The following PHACTR3 variants were observed in gnomAD, a reference collection of about 807,000 sequenced individuals.
The protein encoded by PHACTR3 is protein phosphatase 1, regulatory subunit 123.
Under a neutral mutation model 66.8 loss-of-function variants are expected in PHACTR3, and 16 were observed. The observed-to-expected ratio is 0.24, with a 90% CI of 0.16 to 0.36. The LOEUF (loss-of-function observed/expected upper bound fraction) is 0.36. PHACTR3 is among the 10% of genes least tolerant of loss of function. PHACTR3 has a pLI of 1.00. For synonymous variants in PHACTR3, 323 were observed against 292.1 expected (o/e 1.11, Z -1.08); for missense variants, 647 against 719.9 (o/e 0.90, Z 1.16).
At chr20:59,622,492 TCA>T (rs2034278636) in intron 1 of PHACTR3, among the ~76,000 whole-genome samples, 1 of 152,186 alleles carries the variant, frequency 6.6e-6, no homozygotes, top group African/African-American at 2.4e-5. Context: ...TCTGTTCATG[TCA>T]GTTAGTAGAA....
At chr20:59,651,080 G>T (rs1417010015) in intron 1 of PHACTR3, among the ~76,000 whole-genome samples, 2 of 152,104 alleles carry the variant, frequency 1.3e-5, no homozygotes, top group East Asian at 3.9e-4. Context: ...TCATCTTTGG[G>T]TTGACCATGG....
intron 1 of PHACTR3, among the ~76,000 whole-genome samples, chr20:59,674,630 GCTTCTCCTGTTCCTCTCC>G (rs1336228072): frequency 2.4e-5 from 1 of 41,716 alleles, no homozygotes; most frequent in African/African-American, 1.3e-4. Context: ...TCCTGTCCCC[GCTTCTCCTGTTCCTCTCC>G]CTTCTCCTGT....
intron 7 of PHACTR3, among the ~76,000 whole-genome samples, chr20:59,778,051 G>A (rs1182497): frequency 0.59 from 90,222 of 151,960 alleles, 29,101 homozygotes; most frequent in Non-Finnish European, 0.71. Context: ...GCTGATGTCC[G>A]GATGACCCTG....
intron 1 of PHACTR3, among the ~76,000 whole-genome samples, chr20:59,620,962 A>G (rs1429385086): frequency 7.2e-5 from 11 of 152,136 alleles, no homozygotes; most frequent in Admixed American, 7.2e-4. Context: ...GCCTGCATGT[A>G]TGTTTATCCT....
At chr20:59,745,078 C>T (rs983145364) in intron 2 of PHACTR3, among the ~76,000 whole-genome samples, 23 of 152,180 alleles carry the variant, frequency 1.5e-4, no homozygotes, top group African/African-American at 4.1e-4. Flanking sequence ...ATGAGCAGGG[C>T]GGGCACTGCT....
At chr20:59,794,123 CAA>C (rs71183186) in intron 7 of PHACTR3, among the ~76,000 whole-genome samples, 2 of 97,852 alleles carry the variant, frequency 2.0e-5, no homozygotes, top group African/African-American at 4.4e-5. Context: ...GACTCCATCT[CAA>C]AAAAAAAAAA....
At chr20:59,635,169 C>CCTTTCTTTCTTTCTTTCTTT (rs11471795) in intron 1 of PHACTR3, among the ~76,000 whole-genome samples, 5 of 55,340 alleles carry the variant, frequency 9.0e-5, no homozygotes, top group African/African-American at 3.7e-4. Flanking sequence ...TTCTTTCTTT[C>CCTTTCTTTCTTTCTTTCTTT]CTTTCTTTCT....
intron 9 of PHACTR3, among the ~76,000 whole-genome samples, chr20:59,838,645 C>T (rs149736470): frequency 6.6e-6 from 1 of 152,304 alleles, no homozygotes; most frequent in Non-Finnish European, 1.5e-5. Context: ...AGAGTTCAAC[C>T]CCAGGTCTGC....
chr20:59,838,925 G>A (rs2059011549), intron 9 of PHACTR3, among the ~76,000 whole-genome samples: 1 of 151,976 alleles, frequency 6.6e-6, no homozygotes, highest in South Asian at 2.1e-4. Context: ...TCTTGGAGGA[G>A]GTCTCCAACA....
intron 1 of PHACTR3, among the ~76,000 whole-genome samples, chr20:59,741,311 G>A (rs750316205): frequency 2.6e-5 from 4 of 152,216 alleles, no homozygotes; most frequent in South Asian, 2.1e-4. Context: ...GTGTATGTTC[G>A]CAGGGCGAGG....
intron 1 of PHACTR3, among the ~76,000 whole-genome samples, chr20:59,588,325 C>T (rs1387521409): frequency 1.3e-5 from 2 of 152,136 alleles, no homozygotes; most frequent in Non-Finnish European, 2.9e-5. Context: ...ATCTGGGATC[C>T]GCCCCCTTGC....
intron 1 of PHACTR3, among the ~76,000 whole-genome samples, chr20:59,614,176 T>G (rs531180692): frequency 2.8e-4 from 43 of 152,328 alleles, no homozygotes; most frequent in African/African-American, 9.9e-4. Context: ...ATCCTGCAAC[T>G]TACTGGAAAG....
At chr20:59,689,442 T>A (rs935720332) in intron 1 of PHACTR3, among the ~76,000 whole-genome samples, 1 of 152,182 alleles carries the variant, frequency 6.6e-6, no homozygotes, top group Non-Finnish European at 1.5e-5. Context: ...TTCACACTTG[T>A]GTGGGGATCT....
At chr20:59,630,897 G>A (rs574568004) in intron 1 of PHACTR3, among the ~76,000 whole-genome samples, 5 of 152,230 alleles carry the variant, frequency 3.3e-5, no homozygotes, top group Admixed American at 2.0e-4. Flanking sequence ...GATTCGAGGA[G>A]GAAAGTTACA....
chr20:59,842,268 T>C (rs182555612), intron 11 of PHACTR3, among the ~76,000 whole-genome samples: 18 of 152,344 alleles, frequency 1.2e-4, no homozygotes, highest in Admixed American at 3.9e-4. Context: ...TTCTATTAAT[T>C]TTCAGAAGAC....
chr20:59,772,814 C>T (rs1170665999), intron 5 of PHACTR3, among the ~76,000 whole-genome samples: 1 of 152,182 alleles, frequency 6.6e-6, no homozygotes, highest in East Asian at 1.9e-4. Flanking sequence ...GAAATTTATT[C>T]CTTACTGTTC....
At chr20:59,616,142 G>A (rs964747097) in intron 1 of PHACTR3, among the ~76,000 whole-genome samples, 1 of 151,732 alleles carries the variant, frequency 6.6e-6, no homozygotes, top group Non-Finnish European at 1.5e-5. Context: ...TGCAGAATGA[G>A]GATTACTTTA....
At chr20:59,590,861 C>T (rs1472129255) in intron 1 of PHACTR3, among the ~76,000 whole-genome samples, 4 of 152,086 alleles carry the variant, frequency 2.6e-5, no homozygotes, top group South Asian at 4.2e-4. Context: ...CTCCCTGGAC[C>T]CTCTTTTATA....
intron 1 of PHACTR3, among the ~76,000 whole-genome samples, chr20:59,741,819 A>G (rs1329048273): frequency 3.3e-5 from 5 of 150,612 alleles, no homozygotes; most frequent in Non-Finnish European, 1.5e-5. Context: ...CTGGAGTACA[A>G]TGGTGTGATC....
Sources: allele counts gnomAD v4.1 joint callset (sites outside exome capture counted in the v4.1 genomes callset), GRCh38; gene constraint gnomAD v4.1.1; transcripts MANE v1.5; gene names NCBI Gene and HGNC (gene_info 2026-07-23, HGNC 2026-07-21).